Variants in PLCH1 observed in about 807,000 individuals in gnomAD.
PLCH1 encodes 1-phosphatidylinositol 4,5-bisphosphate phosphodiesterase eta-1.
In PLCH1, 60 loss-of-function variants were observed where a neutral mutation model predicts 126.7. The observed-to-expected ratio is 0.47, with a 90% CI of 0.38 to 0.59. The LOEUF (loss-of-function observed/expected upper bound fraction) is 0.59. Ranked by LOEUF, PLCH1 falls within the 20% of genes least tolerant of loss-of-function variation. The pLI is 0.00. For synonymous variants in PLCH1, 719 were observed against 734.9 expected (o/e 0.98, Z 0.35); for missense variants, 1,723 against 2,040.0 (o/e 0.84, Z 2.99).
chr3:155,653,763 A>G (rs1315905615), intron 2 of PLCH1, among the ~76,000 whole-genome samples: 1 of 151,918 alleles, frequency 6.6e-6, no homozygotes, highest in East Asian at 1.9e-4. Context: ...TCCAACTACC[A>G]TCTTCACCTA....
Position 155,485,036 on chromosome 3 carries a change from G to A in PLCH1, c.2974+320C>T, listed in dbSNP as rs34559216. On this transcript the variant is annotated intron_variant, in intron 22 of 22. Coordinates refer to ENST00000460012, the MANE Select transcript of PLCH1 (RefSeq NM_014996.4). ...ACCCTCAAAACAAATCAGTAAATAT[G>A]GCACTCATTTGGAAAATCAATATTT... Among the ~76,000 whole-genome samples the A allele has an allele frequency of 4.8e-3, 737 of 152,220 alleles. 5 individuals are homozygous for A. The highest frequency in any genetic ancestry group is 5.6e-3 in the Non-Finnish European group (378 of 68,016).
chr3:155,532,185 G>C (rs531186324), intron 10 of PLCH1, among the ~76,000 whole-genome samples: 1 of 152,138 alleles, frequency 6.6e-6, no homozygotes, highest in Non-Finnish European at 1.5e-5. Context: ...CAGGAGGCAG[G>C]ACTAACTTGC....
At chr3:155,620,200 TACA>T (rs1210923196) in intron 2 of PLCH1, among the ~76,000 whole-genome samples, 3 of 151,682 alleles carry the variant, frequency 2.0e-5, no homozygotes, top group African/African-American at 7.3e-5. Context: ...GCAGATGTGT[TACA>T]ACATTTTCTA....
At chr3:155,485,807 C>T in intron 21 of PLCH1, 97 bp from the exon 22 acceptor site, 1 of 698,174 alleles carries the variant, frequency 1.4e-6, no homozygotes, top group Non-Finnish European at 2.4e-6. Flanking sequence ...GAATATAAAC[C>T]AAAATCGTAC....
chr3:155,554,023 C>T (rs147585674), intron 9 of PLCH1, 53 bp downstream of exon 9: 77 of 1,578,988 alleles, frequency 4.9e-5, no homozygotes, highest in Admixed American at 1.2e-4. Context: ...TTACATCAGG[C>T]AATGCTCCAT....
At chr3:155,457,786 G>A (rs1054603428) in intron 21 of PLCH1, 3 of 152,038 alleles carry the variant, frequency 2.0e-5, no homozygotes, top group Admixed American at 6.5e-5. Context: ...TGCTGACTGA[G>A]CTGGATGCAT....
At chr3:155,722,077 A>C in intron 1 of PLCH1, among the ~76,000 whole-genome samples, 1 of 152,068 alleles carries the variant, frequency 6.6e-6, no homozygotes, top group East Asian at 1.9e-4. Flanking sequence ...GAAAGTGGGC[A>C]TCCTTGTCTT....
At chr3:155,563,710 A>G (rs1432461732) in intron 8 of PLCH1, among the ~76,000 whole-genome samples, 1 of 152,084 alleles carries the variant, frequency 6.6e-6, no homozygotes, top group Non-Finnish European at 1.5e-5. Context: ...AAATCTGATC[A>G]TATCACTATA....
At position 155,482,680 on chromosome 3, in the gene PLCH1, A is replaced by G; in HGVS notation, c.3346T>C (p.Ser1116Pro). The G allele has an allele frequency of 6.2e-7, 1 of 1,614,194 alleles. No homozygotes were observed. The highest frequency in any genetic ancestry group is 2.2e-5 in the East Asian group (1 of 44,880). The change falls in exon 23 of 23, where the codon TCA becomes CCA. Residue 1116 changes from serine (S) to proline (P), a missense_variant. Around this residue, in one of 2 missense-constraint regions of PLCH1, gnomAD observed 947 missense variants for 977.1 expected, o/e 0.97. Coordinates refer to ENST00000460012, the MANE Select transcript of PLCH1 (RefSeq NM_014996.4). ...TTGCTATGAGAAAGGACGCTTCCTG[A>G]CAAGATGCTTTTCCCTTCCACAAAG... ...EDFVEGKSIL[S>P]GSVLSHSNLE...
At chr3:155,525,369 C>T (rs1328505703) in intron 10 of PLCH1, among the ~76,000 whole-genome samples, 1 of 152,118 alleles carries the variant, frequency 6.6e-6, no homozygotes, top group East Asian at 1.9e-4. Context: ...CCTTCTGTCA[C>T]GTGAGGACAA....
intron 6 of PLCH1, among the ~76,000 whole-genome samples, chr3:155,574,308 A>T (rs1379453208): frequency 6.6e-6 from 1 of 152,158 alleles, no homozygotes; most frequent in Non-Finnish European, 1.5e-5. Flanking sequence ...AGCCCTAACC[A>T]TATCTTAAAC....
chr3:155,514,048 A>G (rs1426439062), intron 12 of PLCH1, among the ~76,000 whole-genome samples: 1 of 152,182 alleles, frequency 6.6e-6, no homozygotes, highest in East Asian at 1.9e-4. Context: ...TTGAGATGAC[A>G]CTGATGGCAT....
intron 2 of PLCH1, 37 bp from the exon 3 acceptor site, chr3:155,596,415 A>T (rs566772000): frequency 6.3e-7 from 1 of 1,580,602 alleles, no homozygotes; most frequent in African/African-American, 1.3e-5. Flanking sequence ...GCTATCACAC[A>T]ATGCACAGGC....
In PLCH1 at chr3:155,509,123, T is replaced by A. The variant is rs531670322; in HGVS notation, c.1633-4497A>T. Among the ~76,000 whole-genome samples, 26 of 141,394 alleles carry A rather than the reference T, an allele frequency of 1.8e-4. 4 individuals carry two copies. Among genetic ancestry groups the A allele is most frequent in the South Asian group, 6.7e-4 (3 of 4,488 alleles). The allele number at this position is 141,394 out of a possible 152,430, so 92.8% of individuals were successfully genotyped here. A position where few individuals can be genotyped will look rare whatever the true frequency, so the allele number is the denominator to read the frequency against. ...GAGGAATGTATCCATTTCTTCTAGA[T>A]TTTCTAGTTTATTTGCGTAGAGGTG... On this transcript the variant is annotated intron_variant, in intron 12 of 22. Coordinates refer to ENST00000460012, the MANE Select transcript of PLCH1 (RefSeq NM_014996.4).
intron 4 of PLCH1, among the ~76,000 whole-genome samples, chr3:155,592,323 A>G (rs2108636282): frequency 8.5e-6 from 1 of 117,244 alleles, no homozygotes; most frequent in East Asian, 2.3e-4. Context: ...CTCTACTAAA[A>G]ATACAAAAAA....
rs141835912 is a variant in PLCH1, at chr3:155,512,358, G to A, written c.1632+2365C>T. The stretch of plus-strand genomic sequence containing the variant: ...TACATAACGACAAGAGCAAACAAGA[G>A]AGATGCAGACTCTCTCCCTACTGGG... On this transcript the variant is annotated intron_variant, in intron 12 of 22. Transcript: ENST00000460012. Among the ~76,000 whole-genome samples, 370 of 152,288 alleles carry A rather than the reference G, an allele frequency of 2.4e-3. 3 individuals are homozygous for A. Among genetic ancestry groups the A allele is most frequent in the African/African-American group, 8.6e-3 (359 of 41,564 alleles).
chr3:155,632,482 G>A (rs1451941716), intron 2 of PLCH1, among the ~76,000 whole-genome samples: 1 of 152,142 alleles, frequency 6.6e-6, no homozygotes, highest in African/African-American at 2.4e-5. Context: ...ATACTTTCCA[G>A]TCCAAAATGC....
chr3:155,633,005 A>C (rs922361047), intron 2 of PLCH1, among the ~76,000 whole-genome samples: 3 of 152,108 alleles, frequency 2.0e-5, no homozygotes, highest in Admixed American at 6.6e-5. Context: ...GTTGACCATA[A>C]CGTATTTCCA....
intron 1 of PLCH1, among the ~76,000 whole-genome samples, chr3:155,722,467 G>A (rs188392213): frequency 1.2e-4 from 18 of 152,178 alleles, no homozygotes; most frequent in Non-Finnish European, 2.2e-4. Flanking sequence ...TGGCCTAGAT[G>A]TCCTGTTATT....
Sources: allele counts gnomAD v4.1 joint callset (sites outside exome capture counted in the v4.1 genomes callset), GRCh38; gene constraint gnomAD v4.1.1; regional missense constraint gnomAD v4.1.1; transcripts MANE v1.5; gene names NCBI Gene and HGNC (gene_info 2026-07-23, HGNC 2026-07-21).